EFCAB6: variants seen among roughly 807,000 people sequenced by gnomAD.
EFCAB6 encodes EF-hand calcium binding domain 6.
A neutral mutation model predicts 169.8 loss-of-function variants in EFCAB6; 156 were observed. That is an observed-to-expected ratio of 0.92 (90% CI 0.81 to 1.05). The LOEUF (loss-of-function observed/expected upper bound fraction) is 1.05, where lower values mean the gene tolerates loss of function less well. EFCAB6 is among the 50% of genes least tolerant of loss of function. EFCAB6 has a pLI of 0.00. For missense variants in EFCAB6, 1,800 were observed against 1,829.1 expected (o/e 0.98, Z 0.29); for synonymous variants, 698 against 676.4 (o/e 1.03, Z -0.50).
intron 8 of EFCAB6, among the ~76,000 whole-genome samples, chr22:43,724,921 G>A (rs1437529975): frequency 6.6e-6 from 1 of 152,108 alleles, no homozygotes; most frequent in Non-Finnish European, 1.5e-5. Context: ...TCTGTATCAA[G>A]TTTCTATCTT....
intron 26 of EFCAB6, among the ~76,000 whole-genome samples, chr22:43,566,632 C>T (rs920024130): frequency 2.6e-5 from 4 of 152,188 alleles, no homozygotes. Flanking sequence ...GACTCCAAAG[C>T]CATGCTCCTC....
chr22:43,576,071 T>C (rs1216279339), intron 26 of EFCAB6, among the ~76,000 whole-genome samples: 3 of 152,134 alleles, frequency 2.0e-5, no homozygotes, highest in African/African-American at 7.2e-5. Context: ...CCAAACCTCT[T>C]TGAAAATTAA....
chr22:43,743,341 T>C (rs961717150), intron 6 of EFCAB6, among the ~76,000 whole-genome samples: 1 of 152,090 alleles, frequency 6.6e-6, no homozygotes, highest in African/African-American at 2.4e-5. Flanking sequence ...TCCCAGTGTA[T>C]CAAATCGCCT....
At chr22:43,694,781 CAAGT>C (rs1445910283) in intron 10 of EFCAB6, among the ~76,000 whole-genome samples, 3 of 151,892 alleles carry the variant, frequency 2.0e-5, no homozygotes, top group Admixed American at 6.6e-5. Context: ...TTTCAGCAAA[CAAGT>C]AATAGAAAAT....
rs1018154378 is a variant in EFCAB6 at position 43,654,304 on chromosome 22, G to A, written c.1983+12800C>T. On this transcript the variant is annotated intron_variant, in intron 17 of 31. Transcript: ENST00000262726. ...ACTCCCCACTTCTTCCCTGAGGGCT[G>A]TGCACCATGGATTTCTTCCAAAGAC... Among the ~76,000 whole-genome samples the A allele has an allele frequency of 3.9e-5, 6 of 152,226 alleles. No homozygotes were observed. The East Asian group carries it at 9.6e-4, about 24-fold the overall frequency.
intron 10 of EFCAB6, among the ~76,000 whole-genome samples, chr22:43,690,679 TC>T (rs1730073181): frequency 6.6e-6 from 1 of 151,860 alleles, no homozygotes; most frequent in Non-Finnish European, 1.5e-5. Context: ...CATGGCATGC[TC>T]CCCGGGCTCT....
In EFCAB6 at chr22:43,683,810, CTT is replaced by C. The variant is rs747361026; in HGVS notation, c.1186_1187del (p.Lys396ValfsTer3). On this transcript the variant is annotated frameshift_variant, in exon 12 of 32. Coordinates refer to ENST00000262726, the MANE Select transcript of EFCAB6 (RefSeq NM_022785.4). LOFTEE classifies it high-confidence loss of function. Reference sequence around the variant, plus strand: ...AGTGATCTTCAGTGTGTCTAAATAACTTTGTGATGATGTTTTCCTTGTGAGAT... The same window carrying C: ...AGTGATCTTCAGTGTGTCTAAATAACTGTGATGATGTTTTCCTTGTGAGAT... The part of the protein sequence containing the change: ...NESHKENIIT[K>X]LFRHTEDHSA... The C allele has an allele frequency of 1.2e-6, 2 of 1,613,728 alleles. No homozygotes were observed. The highest frequency in any genetic ancestry group is 1.7e-6 in the Non-Finnish European group (2 of 1,179,634).
At chr22:43,783,592 T>C (rs894224282) in intron 2 of EFCAB6, among the ~76,000 whole-genome samples, 2 of 152,186 alleles carry the variant, frequency 1.3e-5, no homozygotes, top group African/African-American at 4.8e-5. Context: ...TATCCAACCA[T>C]GAGCTGACCA....
chr22:43,576,188 T>C (rs2050244270), intron 26 of EFCAB6, 109 bp downstream of exon 26: 4 of 875,808 alleles, frequency 4.6e-6, no homozygotes, highest in African/African-American at 3.5e-5. Flanking sequence ...GCTAATTACA[T>C]GAGGTGATTG....
At chr22:43,604,671 C>A (rs1015464185) in intron 22 of EFCAB6, among the ~76,000 whole-genome samples, 1 of 152,168 alleles carries the variant, frequency 6.6e-6, no homozygotes, top group African/African-American at 2.4e-5. Flanking sequence ...ATAGAAATGG[C>A]CTCACTTCTT....
At chr22:43,644,937 T>C (rs2148005965) in intron 17 of EFCAB6, among the ~76,000 whole-genome samples, 1 of 152,360 alleles carries the variant, frequency 6.6e-6, no homozygotes, top group East Asian at 1.9e-4. Context: ...TCCACATAAC[T>C]TCTTAATTTC....
chr22:43,623,857 C>T (rs1218468486), intron 20 of EFCAB6, among the ~76,000 whole-genome samples: 19 of 144,222 alleles, frequency 1.3e-4, no homozygotes, highest in African/African-American at 3.4e-4. Flanking sequence ...TGCAGTGAGC[C>T]GAGATTCCGC....
chr22:43,669,689 C>T (rs950146193), intron 15 of EFCAB6, among the ~76,000 whole-genome samples: 2 of 152,066 alleles, frequency 1.3e-5, no homozygotes, highest in African/African-American at 2.4e-5. Flanking sequence ...TGAATTTCAT[C>T]ATATTGTATC....
In EFCAB6 at chr22:43,600,256, T is replaced by C; in HGVS notation, c.2689A>G (p.Thr897Ala). Residue 897 changes from threonine to alanine, a missense_variant, in exon 23 of 32, where the codon ACC (threonine) becomes GCC (alanine). Physicochemically the swap from Thr to Ala is moderately conservative, Grantham distance 58. Coordinates refer to ENST00000262726, the MANE Select transcript of EFCAB6 (RefSeq NM_022785.4). The part of the protein sequence containing the change: ...EFEKLWARYD[T>A]EGKGHITYQE... ...TAAGTAATGTGCCCTTTTCCCTCGG[T>C]GTCGTATCTTAAAACAAAAACAAAA... The C allele has an allele frequency of 6.2e-7, 1 of 1,613,756 alleles. No homozygotes were observed. The highest frequency in any genetic ancestry group is 8.5e-7 in the Non-Finnish European group (1 of 1,179,900).
chr22:43,791,351 T>C (rs1302044623), intron 2 of EFCAB6, among the ~76,000 whole-genome samples: 1 of 146,826 alleles, frequency 6.8e-6, no homozygotes, highest in Admixed American at 6.8e-5. Flanking sequence ...TCAGCCTGGG[T>C]GATAGAAGTG....
chr22:43,574,876 C>G (rs998074737), intron 26 of EFCAB6, among the ~76,000 whole-genome samples: 1 of 152,160 alleles, frequency 6.6e-6, no homozygotes, highest in East Asian at 1.9e-4. Context: ...TACCAAGGGA[C>G]AGCAGGGATG....
intron 17 of EFCAB6, among the ~76,000 whole-genome samples, chr22:43,647,447 C>G (rs1159923664): frequency 6.6e-6 from 1 of 152,154 alleles, no homozygotes; most frequent in Non-Finnish European, 1.5e-5. Context: ...CAGGTTCTAT[C>G]CAGGAACTGG....
intron 27 of EFCAB6, among the ~76,000 whole-genome samples, chr22:43,543,116 CAG>C (rs1359324362): frequency 6.6e-6 from 1 of 152,178 alleles, no homozygotes; most frequent in African/African-American, 2.4e-5. Context: ...CGCGGGGTCA[CAG>C]GGAGCCAAGG....
chr22:43,728,070 C>A (rs2059803019), intron 8 of EFCAB6, among the ~76,000 whole-genome samples: 1 of 152,096 alleles, frequency 6.6e-6, no homozygotes, highest in African/African-American at 2.4e-5. Context: ...CCTTTGCCCC[C>A]ACCCCATGAC....
Sources: allele counts gnomAD v4.1 joint callset (sites outside exome capture counted in the v4.1 genomes callset), GRCh38; gene constraint gnomAD v4.1.1; transcripts MANE v1.5; gene names NCBI Gene and HGNC (gene_info 2026-07-23, HGNC 2026-07-21).